APAF1: variants seen among roughly 807,000 people sequenced by gnomAD.
The protein encoded by APAF1 is apoptotic protease-activating factor 1.
In APAF1, 91 loss-of-function variants were observed where a neutral mutation model predicts 152.4. The observed-to-expected ratio is 0.60, with a 90% confidence interval of 0.50 to 0.71. The LOEUF is 0.71. Among genes scored for constraint, APAF1 ranks in the 30% least tolerant of loss-of-function variants. APAF1 has a pLI of 0.00. For synonymous variants in APAF1, 484 were observed against 494.1 expected (o/e 0.98, Z 0.27); for missense variants, 1,283 against 1,472.0 (o/e 0.87, Z 2.10).
intron 7 of APAF1, 118 bp downstream of exon 7, chr12:98,662,924 G>C (rs2097667390): frequency 1.1e-6 from 1 of 872,260 alleles, no homozygotes. Context: ...TTTTCTGGGA[G>C]ATTTAGTATT....
intron 12 of APAF1, among the ~76,000 whole-genome samples, chr12:98,672,477 G>T (rs2097681477): frequency 6.6e-6 from 1 of 150,620 alleles, no homozygotes; most frequent in Admixed American, 6.6e-5. Flanking sequence ...CTGTGAAGAT[G>T]TAAATGAGAT....
intron 15 of APAF1, among the ~76,000 whole-genome samples, chr12:98,685,576 C>T (rs1321432140): frequency 2.6e-5 from 4 of 151,986 alleles, no homozygotes; most frequent in Admixed American, 2.0e-4. Context: ...ATCTTGTGAT[C>T]GCCTGCCTCA....
rs756120322 is a variant in APAF1, at chr12:98,665,654, A to G, written c.1057A>G (p.Ile353Val). 4.3e-6 allele frequency: 7 copies of G among 1,613,900 alleles called. No individual in the cohort carries two copies. The highest frequency in any genetic ancestry group is 5.1e-6 in the Non-Finnish European group (6 of 1,179,962). Reference sequence around the variant, plus strand: ...GCTTCAGAATAAGCAGTTTAAGAGAATAAGGAAATCTTCGTCTTATGATTA... The same window carrying G: ...GCTTCAGAATAAGCAGTTTAAGAGAGTAAGGAAATCTTCGTCTTATGATTA... ...KQLQNKQFKR[I>V]RKSSSYDYEA... Residue 353 changes from isoleucine to valine, a missense_variant, in exon 8 of 27, where the codon ATA becomes GTA. Physicochemically the swap from Ile to Val is conservative, Grantham distance 29 (BLOSUM62 3). Transcript: ENST00000551964.
intron 4 of APAF1, among the ~76,000 whole-genome samples, chr12:98,658,928 G>A (rs1342150534): frequency 2.0e-5 from 3 of 152,150 alleles, no homozygotes; most frequent in African/African-American, 7.2e-5. Flanking sequence ...AGATTTTCCC[G>A]ATAAGCCACA....
chr12:98,716,697 C>T (rs1212893935), intron 22 of APAF1, among the ~76,000 whole-genome samples: 1 of 152,046 alleles, frequency 6.6e-6, no homozygotes, highest in Non-Finnish European at 1.5e-5. Flanking sequence ...AATTTGGAAA[C>T]CTATGATTTT....
intron 12 of APAF1, among the ~76,000 whole-genome samples, chr12:98,673,765 T>A (rs2097683449): frequency 6.6e-6 from 1 of 152,212 alleles, no homozygotes; most frequent in Non-Finnish European, 1.5e-5. Flanking sequence ...AGATGTGAGG[T>A]CTTTCCCCTA....
chr12:98,677,557 A>T lies in APAF1; in HGVS notation c.1920+6A>T, dbSNP rs758039577. ...GAGCTGATAAAACCTTACAGGTAAA[A>T]CACATCTCTTGAGAAAAATGCAAAG... On this transcript the variant is annotated splice_donor_region_variant and intron_variant, in intron 13 of 26. Transcript: ENST00000551964. 9.9e-6 allele frequency: 16 copies of T among 1,614,080 alleles called. No homozygotes were observed. In the Admixed American group the frequency reaches 1.5e-4, roughly 15 times the overall value.
intron 26 of APAF1, among the ~76,000 whole-genome samples, chr12:98,732,101 CAA>C (rs1565901142): frequency 6.6e-6 from 1 of 152,090 alleles, no homozygotes; most frequent in Non-Finnish European, 1.5e-5. Context: ...GACATGCAGA[CAA>C]GAGAGTTGAG....
intron 4 of APAF1, 131 bp downstream of exon 4, chr12:98,649,815 A>G: frequency 2.3e-6 from 2 of 860,412 alleles, no homozygotes; most frequent in Non-Finnish European, 1.8e-6. Context: ...AAGGAAGGAT[A>G]TGTTAACTCT....
intron 16 of APAF1, among the ~76,000 whole-genome samples, chr12:98,695,285 T>C (rs1350175313): frequency 1.3e-5 from 2 of 152,098 alleles, no homozygotes; most frequent in Non-Finnish European, 2.9e-5. Flanking sequence ...ACTTCTGACC[T>C]TGTGATCCAC....
intron 17 of APAF1, among the ~76,000 whole-genome samples, chr12:98,701,698 C>A (rs921710868): frequency 2.0e-5 from 3 of 152,182 alleles, no homozygotes; most frequent in Non-Finnish European, 4.4e-5. Flanking sequence ...TTTTAAAAAT[C>A]TGTACAGCAG....
chr12:98,718,755 C>G (rs541422123), intron 22 of APAF1, among the ~76,000 whole-genome samples: 1 of 151,894 alleles, frequency 6.6e-6, no homozygotes, highest in Non-Finnish European at 1.5e-5. Context: ...GGCAACATAG[C>G]GAGACCCCAT....
At chr12:98,659,748 A>C (rs538243480) in intron 5 of APAF1, among the ~76,000 whole-genome samples, 1 of 109,860 alleles carries the variant, frequency 9.1e-6, no homozygotes. Flanking sequence ...GTGAAACTCC[A>C]TCAGAAAAAA....
chr12:98,717,731 C>G (rs2097736607), intron 22 of APAF1, among the ~76,000 whole-genome samples: 2 of 151,850 alleles, frequency 1.3e-5, no homozygotes, highest in South Asian at 4.2e-4. Flanking sequence ...TTGCTGTTCC[C>G]TCCAAGTTGC....
intron 21 of APAF1, 35 bp downstream of exon 21, chr12:98,712,470 A>G (rs757184252): frequency 2.6e-6 from 3 of 1,167,884 alleles, no homozygotes; most frequent in Non-Finnish European, 1.3e-6. Flanking sequence ...CTTTCTGTAC[A>G]GAATTAAATA....
chr12:98,706,344 C>A, intron 18 of APAF1, 141 bp from the exon 19 acceptor site: 1 of 839,948 alleles, frequency 1.2e-6, no homozygotes, highest in South Asian at 1.4e-5. Context: ...CTGCATAAGA[C>A]ATTTTGTAGT....
intron 12 of APAF1, among the ~76,000 whole-genome samples, chr12:98,672,788 CTT>C (rs2097681909): frequency 1.3e-5 from 2 of 151,604 alleles, no homozygotes; most frequent in South Asian, 2.1e-4. Context: ...GCGTTTCACT[CTT>C]GTCGCCCAGG....
intron 5 of APAF1, among the ~76,000 whole-genome samples, chr12:98,659,752 G>GA (rs34536171): frequency 0.52 from 46,515 of 90,170 alleles, 11,322 homozygotes; most frequent in Admixed American, 0.57. Context: ...AACTCCATCA[G>GA]AAAAAAAAAA....
intron 16 of APAF1, among the ~76,000 whole-genome samples, chr12:98,688,125 G>A (rs1565876824): frequency 6.6e-6 from 1 of 152,086 alleles, no homozygotes; most frequent in African/African-American, 2.4e-5. Context: ...AAGAGTTAGG[G>A]AAAAAAGCTT....
Sources: allele counts gnomAD v4.1 joint callset (sites outside exome capture counted in the v4.1 genomes callset), GRCh38; gene constraint gnomAD v4.1.1; transcripts MANE v1.5; gene names NCBI Gene and HGNC (gene_info 2026-07-23, HGNC 2026-07-21).